SLC30A4: variants seen among roughly 807,000 people sequenced by gnomAD.
The protein encoded by SLC30A4 is probable proton-coupled zinc antiporter SLC30A4.
In SLC30A4, 20 loss-of-function variants were observed where a neutral mutation model predicts 41.7. The observed-to-expected ratio is 0.48, with a 90% CI of 0.34 to 0.70. The LOEUF is 0.70. SLC30A4 is among the 30% of genes least tolerant of loss of function. The probability of loss-of-function intolerance (pLI) is 0.01; values close to 1 mark genes in which losing one functional copy is unlikely to be tolerated. For missense variants in SLC30A4, 441 were observed against 529.3 expected, an observed-to-expected ratio of 0.83 and a Z score of 1.64; for synonymous variants, 181 against 195.9, an observed-to-expected ratio of 0.92 and a Z score of 0.64.
chr15:45,481,814 C>T lies in SLC30A4; in HGVS notation c.*3349G>A, dbSNP rs959575785. On this transcript the variant is annotated 3_prime_UTR_variant, in exon 8 of 8. Transcript: ENST00000261867. ...AAAGTGAAATCAAATTCTCAAATCTCATAGACTCCGTAAGGTAAAGATACA... is the reference window on the plus strand; with the variant it reads ...AAAGTGAAATCAAATTCTCAAATCTTATAGACTCCGTAAGGTAAAGATACA... 2 of 152,152 alleles carry T rather than the reference C, an allele frequency of 1.3e-5. No individual in the cohort carries two copies. The highest frequency in any genetic ancestry group is 1.3e-4 in the Admixed American group (2 of 15,268). The allele number at this position is 152,152 out of a possible 1,614,324, so 9.4% of individuals were successfully genotyped here.
intron 3 of SLC30A4, among the ~76,000 whole-genome samples, chr15:45,491,827 T>C (rs1239176945): frequency 6.6e-6 from 1 of 151,426 alleles, no homozygotes; most frequent in Non-Finnish European, 1.5e-5. Flanking sequence ...CGTATGCTAC[T>C]GGACTCCAGC....
intron 2 of SLC30A4, among the ~76,000 whole-genome samples, chr15:45,512,802 C>T (rs1276745042): frequency 6.6e-6 from 1 of 152,184 alleles, no homozygotes; most frequent in African/African-American, 2.4e-5. Flanking sequence ...GGTGTAGCCA[C>T]TAGTCACATG....
At chr15:45,517,345 C>CTTTTTTTTTT (rs1166130286) in intron 2 of SLC30A4, among the ~76,000 whole-genome samples, 3 of 65,602 alleles carry the variant, frequency 4.6e-5, no homozygotes, top group Non-Finnish European at 5.4e-5. Context: ...CCAATCCATT[C>CTTTTTTTTTT]TTTTTTTTTT....
chr15:45,486,340 CT>C (rs1180756492), intron 7 of SLC30A4, among the ~76,000 whole-genome samples: 2 of 152,084 alleles, frequency 1.3e-5, no homozygotes, highest in Admixed American at 6.6e-5. Flanking sequence ...TTCTTAATAC[CT>C]TTAATCTGAA....
rs551490333 is a variant in SLC30A4 at position 45,496,899 on chromosome 15, T to C, written c.539-6018A>G. 2.0e-5 allele frequency among the ~76,000 whole-genome samples: 3 copies of C among 151,524 alleles called. No individual in the cohort carries two copies. In the South Asian group the frequency reaches 6.2e-4, roughly 32 times the overall value. On this transcript the variant is annotated intron_variant, in intron 3 of 7. Coordinates refer to ENST00000261867, the MANE Select transcript of SLC30A4 (RefSeq NM_013309.6). ...TAAAATAAATAGGTGTGGTAGCACA[T>C]GCCTACAGTTCTAGCTACTCGGGAG... is the stretch of plus-strand genomic sequence containing the variant.
intron 2 of SLC30A4, among the ~76,000 whole-genome samples, chr15:45,516,880 G>C (rs1892495642): frequency 6.6e-6 from 1 of 152,012 alleles, no homozygotes; most frequent in Non-Finnish European, 1.5e-5. Context: ...CTGAGATGGT[G>C]CACTCCAGCC....
At chr15:45,496,127 T>C (rs1891902667) in intron 3 of SLC30A4, among the ~76,000 whole-genome samples, 1 of 152,182 alleles carries the variant, frequency 6.6e-6, no homozygotes, top group African/African-American at 2.4e-5. Flanking sequence ...GACAATACTA[T>C]CTAACTAAAA....
chr15:45,513,382 C>CT lies in SLC30A4; in HGVS notation c.392-2099dup, dbSNP rs746584532. On this transcript the variant is annotated intron_variant, in intron 2 of 7. Coordinates refer to ENST00000261867, the MANE Select transcript of SLC30A4 (RefSeq NM_013309.6). Reference sequence around the variant, plus strand: ...CACCATGCTCAGCTAATCTTTTTATCTTTTTTTTTTTTTCAGGAGATGAGG... The same window carrying CT: ...CACCATGCTCAGCTAATCTTTTTATCTTTTTTTTTTTTTTCAGGAGATGAGG... 3.1e-3 allele frequency among the ~76,000 whole-genome samples: 421 copies of CT among 136,518 alleles called. 2 individuals carry two copies. Among genetic ancestry groups the CT allele is most frequent in the East Asian group, 0.026 (122 of 4,754 alleles). 89.6% of individuals were successfully genotyped at this position (136,518 alleles called of 152,430 possible).
chr15:45,522,480 G>T lies in SLC30A4; in HGVS notation c.-114-12C>A. 1 of 964,860 alleles carries T rather than the reference G, an allele frequency of 1.0e-6. No homozygotes were observed. Among genetic ancestry groups the T allele is most frequent in the Non-Finnish European group, 1.5e-6 (1 of 671,704 alleles). 59.8% of individuals were successfully genotyped at this position (964,860 alleles called of 1,614,324 possible). On this transcript the variant is annotated splice_polypyrimidine_tract_variant and intron_variant, in intron 1 of 7. Transcript: ENST00000261867. Reference sequence around the variant, plus strand: ...CGTCCCTCCCCATCCTGTGGAAAACGAAACACGTTATAAATTAAAGGCGCC... The same window carrying T: ...CGTCCCTCCCCATCCTGTGGAAAACTAAACACGTTATAAATTAAAGGCGCC...
At chr15:45,502,412 G>A (rs1308743519) in intron 3 of SLC30A4, 1 of 151,296 alleles carries the variant, frequency 6.6e-6, no homozygotes, top group Admixed American at 6.6e-5. Flanking sequence ...TTGAGACAGG[G>A]TCTTGCTCCA....
intron 2 of SLC30A4, among the ~76,000 whole-genome samples, chr15:45,517,469 T>C (rs1892520096): frequency 6.7e-6 from 1 of 149,202 alleles, no homozygotes; most frequent in South Asian, 2.2e-4. Context: ...TTCTTTTGCC[T>C]CGGCCTCCCG....
intron 3 of SLC30A4, chr15:45,502,832 A>G (rs1252045690): frequency 6.6e-6 from 1 of 151,026 alleles, no homozygotes. Flanking sequence ...TGTCTGTACA[A>G]AAAATTAAAA....
chr15:45,505,742 TATA>T (rs1892143529), intron 3 of SLC30A4, among the ~76,000 whole-genome samples: 1 of 152,108 alleles, frequency 6.6e-6, no homozygotes, highest in Non-Finnish European at 1.5e-5. Context: ...GATATGAACA[TATA>T]TATGTATTTG....
Position 45,522,626 on chromosome 15 carries a change from C to A in SLC30A4, c.-134G>T. 3.2e-6 allele frequency: 1 copy of A among 314,578 alleles called. No homozygotes were observed. Among genetic ancestry groups the A allele is most frequent in the Non-Finnish European group, 5.7e-6 (1 of 174,358 alleles). The allele number at this position is 314,578 out of a possible 1,614,324, so 19.5% of individuals were successfully genotyped here. ...TAATACCTGGGGCGCTGCCGCGGGGCCGCAACTCATCTCCCCGCCCCCGGC... is the reference window on the plus strand; with the variant it reads ...TAATACCTGGGGCGCTGCCGCGGGGACGCAACTCATCTCCCCGCCCCCGGC... On this transcript the variant is annotated 5_prime_UTR_variant, in exon 1 of 8. Transcript: ENST00000261867.
At chr15:45,490,598 T>G (rs186769424) in intron 4 of SLC30A4, 130 bp downstream of exon 4, 43 of 566,694 alleles carry the variant, frequency 7.6e-5, no homozygotes, top group Admixed American at 2.2e-4. Context: ...GTGTTTCATT[T>G]ATCAGAAAAG....
At chr15:45,487,719 C>T (rs1323364615) in intron 5 of SLC30A4, 87 bp from the exon 6 acceptor site, 2 of 657,066 alleles carry the variant, frequency 3.0e-6, no homozygotes, top group African/African-American at 3.6e-5. Context: ...TCCCTTCTTG[C>T]TTGATTTTCT....
intron 3 of SLC30A4, among the ~76,000 whole-genome samples, chr15:45,491,904 C>A (rs1891817210): frequency 1.3e-5 from 2 of 151,302 alleles, no homozygotes; most frequent in African/African-American, 4.9e-5. Context: ...CAGAAATGGC[C>A]AAATTCTCAA....
At chr15:45,500,654 ATCTATCTAT>A in intron 3 of SLC30A4, among the ~76,000 whole-genome samples, 1 of 138,824 alleles carries the variant, frequency 7.2e-6, no homozygotes, top group Non-Finnish European at 1.5e-5. Context: ...CTATCTATCT[ATCTATCTAT>A]ATGTTTTTGT....
intron 3 of SLC30A4, among the ~76,000 whole-genome samples, chr15:45,500,206 G>A (rs531477518): frequency 1.3e-5 from 2 of 152,276 alleles, no homozygotes; most frequent in East Asian, 3.9e-4. Context: ...ATGATATACA[G>A]GCAGGTAGAA....
Sources: gnomAD v4.1 joint callset for allele counts (sites outside exome capture counted in the v4.1 genomes callset) on GRCh38, gnomAD v4.1.1 for gene constraint, MANE v1.5 for transcripts, NCBI Gene and HGNC (gene_info 2026-07-23, HGNC 2026-07-21) for gene names.